The following CYTH3 variants were observed in gnomAD, a reference collection of about 807,000 sequenced individuals.
CYTH3 encodes cytohesin 3.
In CYTH3, 23 loss-of-function variants were observed where a neutral mutation model predicts 55.1. The ratio of observed to expected loss-of-function variants is 0.42; its 90% confidence interval spans 0.30 to 0.59. CYTH3 has a LOEUF of 0.59. CYTH3 is among the 20% of genes least tolerant of loss of function. The pLI is 0.20. For missense variants in CYTH3, 413 were observed against 524.8 expected (o/e 0.79, Z 2.08); for synonymous variants, 249 against 194.9 (o/e 1.28, Z -2.31).
chr7:6,219,951 G>T (rs1454586228), intron 1 of CYTH3, among the ~76,000 whole-genome samples: 1 of 152,064 alleles, frequency 6.6e-6, no homozygotes, highest in Non-Finnish European at 1.5e-5. Flanking sequence ...GTTGGCAGAG[G>T]GATAGACACA....
chr7:6,263,221 C>A (rs926223996), intron 1 of CYTH3, among the ~76,000 whole-genome samples: 1 of 152,128 alleles, frequency 6.6e-6, no homozygotes, highest in Non-Finnish European at 1.5e-5. Flanking sequence ...TATAAAGCAA[C>A]ACAAATTAAA....
chr7:6,255,880 C>T (rs935844147), intron 1 of CYTH3, among the ~76,000 whole-genome samples: 12 of 150,600 alleles, frequency 8.0e-5, no homozygotes, highest in African/African-American at 2.9e-4. Context: ...TCTCCTGCCT[C>T]AGCCTCCTGA....
chr7:6,221,962 AC>A (rs1458467727), intron 1 of CYTH3, among the ~76,000 whole-genome samples: 1 of 152,174 alleles, frequency 6.6e-6, no homozygotes, highest in Non-Finnish European at 1.5e-5. Context: ...AAAAACAAAA[AC>A]AAAAAAAACT....
At chr7:6,172,665 CTGA>C in intron 6 of CYTH3, 1 of 1,028,784 alleles carries the variant, frequency 9.7e-7, no homozygotes, top group Non-Finnish European at 1.2e-6. Context: ...TCGCCAGAGA[CTGA>C]TGGACTGAAA....
chr7:6,192,194 A>G (rs996901168), intron 1 of CYTH3, among the ~76,000 whole-genome samples: 1 of 152,218 alleles, frequency 6.6e-6, no homozygotes, highest in Non-Finnish European at 1.5e-5. Flanking sequence ...TCGGATTCAA[A>G]ATATGTAACT....
At chr7:6,235,089 C>T (rs1267562470) in intron 1 of CYTH3, among the ~76,000 whole-genome samples, 1 of 152,176 alleles carries the variant, frequency 6.6e-6, no homozygotes, top group Non-Finnish European at 1.5e-5. Context: ...TTGCCATGCG[C>T]ATGTATATTT....
intron 1 of CYTH3, among the ~76,000 whole-genome samples, chr7:6,192,839 T>A (rs1274642989): frequency 6.6e-6 from 1 of 151,460 alleles, no homozygotes; most frequent in Non-Finnish European, 1.5e-5. Context: ...GGCCCACAAG[T>A]CAATTTTTAA....
chr7:6,216,699 C>CTACT (rs1460564857), intron 1 of CYTH3, among the ~76,000 whole-genome samples: 2 of 152,008 alleles, frequency 1.3e-5, no homozygotes. Flanking sequence ...CAAGATCACA[C>CTACT]TACTGCACTC....
chr7:6,231,857 C>G (rs185175845), intron 1 of CYTH3, among the ~76,000 whole-genome samples: 1 of 152,294 alleles, frequency 6.6e-6, no homozygotes, highest in African/African-American at 2.4e-5. Flanking sequence ...GGCATCGGGA[C>G]CCGGGCCACA....
intron 1 of CYTH3, among the ~76,000 whole-genome samples, chr7:6,196,437 G>A (rs964297225): frequency 2.0e-5 from 3 of 150,188 alleles, no homozygotes; most frequent in African/African-American, 7.4e-5. Flanking sequence ...ATCTGAGGGA[G>A]CATCTTTTTT....
At chr7:6,179,610 C>CA (rs1783426619) in intron 4 of CYTH3, among the ~76,000 whole-genome samples, 2 of 121,742 alleles carry the variant, frequency 1.6e-5, no homozygotes, top group African/African-American at 7.9e-5. Context: ...ACACCACACA[C>CA]CACACACACA....
chr7:6,201,361 T>A (rs1784055463), intron 1 of CYTH3, among the ~76,000 whole-genome samples: 1 of 152,206 alleles, frequency 6.6e-6, no homozygotes, highest in South Asian at 2.1e-4. Flanking sequence ...AGGGTCCGAT[T>A]CTCGCCACCT....
In CYTH3 at chr7:6,170,379, G is replaced by A. The variant is rs565465911; in HGVS notation, c.823+156C>T. 9.8e-5 allele frequency among the ~76,000 whole-genome samples: 15 copies of A among 152,306 alleles called. No individual in the cohort carries two copies. The East Asian group carries it at 2.3e-3, about 24-fold the overall frequency. ...GGCTCGGAGAAGCAGCCGTGGCCAT[G>A]CAGCTACCGAGAGCGGGCTCTGGCT... On this transcript the variant is annotated intron_variant, in intron 9 of 12. Coordinates refer to ENST00000350796, the MANE Select transcript of CYTH3 (RefSeq NM_004227.4). This position sits in a 1 kb window ranked among gnomAD's most constrained non-coding sequence, Gnocchi z 7.8.
rs915983860 is a variant in CYTH3 at position 6,169,323 on chromosome 7, C to T, written c.823+1212G>A. On this transcript the variant is annotated intron_variant, in intron 9 of 12. Transcript: ENST00000350796. The surrounding 1 kb of genome is among the most constrained non-coding windows in gnomAD (Gnocchi z 4.1). The stretch of plus-strand genomic sequence containing the variant: ...GGAGCCTCAACCTCCTGGGCTCAGG[C>T]CATCCTCCTGCCTCAGCCTCCCTAG... 1.3e-5 allele frequency among the ~76,000 whole-genome samples: 2 copies of T among 152,148 alleles called. No homozygotes were observed. Among genetic ancestry groups the T allele is most frequent in the Non-Finnish European group, 2.9e-5 (2 of 68,012 alleles).
rs375843913 is a variant in CYTH3, at chr7:6,171,712, G to A, written c.450-398C>T. 1.3e-4 allele frequency: 31 copies of A among 241,094 alleles called. No individual in the cohort carries two copies. In the East Asian group the frequency reaches 2.5e-3, roughly 20 times the overall value. The allele number at this position is 241,094 out of a possible 1,614,324, so 14.9% of individuals were successfully genotyped here. A position where few individuals can be genotyped will look rare whatever the true frequency, so the allele number is the denominator to read the frequency against. On this transcript the variant is annotated intron_variant, in intron 6 of 12. Coordinates refer to ENST00000350796, the MANE Select transcript of CYTH3 (RefSeq NM_004227.4). This position sits in a 1 kb window ranked among gnomAD's most constrained non-coding sequence, Gnocchi z 6.7. ...CTCCTTTCAGAACTCCCACACATAA[G>A]GCAGAGCCATAGCCCACAGGACGGT... is the stretch of plus-strand genomic sequence containing the variant.
At chr7:6,239,123 A>G (rs1167416674) in intron 1 of CYTH3, among the ~76,000 whole-genome samples, 1 of 152,180 alleles carries the variant, frequency 6.6e-6, no homozygotes, top group African/African-American at 2.4e-5. Context: ...CTGAGGTGGG[A>G]GGATCACTTG....
chr7:6,199,643 C>G (rs545301931), intron 1 of CYTH3, among the ~76,000 whole-genome samples: 2 of 152,186 alleles, frequency 1.3e-5, no homozygotes, highest in African/African-American at 4.8e-5. Context: ...TTAAAGCAGT[C>G]CTTCATGCAG....
chr7:6,248,431 T>C (rs1779879179), intron 1 of CYTH3, among the ~76,000 whole-genome samples: 1 of 152,178 alleles, frequency 6.6e-6, no homozygotes, highest in South Asian at 2.1e-4. Context: ...CCTCCTTCTC[T>C]GAGCCTATCG....
intron 1 of CYTH3, among the ~76,000 whole-genome samples, chr7:6,250,448 C>G (rs1020997453): frequency 9.2e-5 from 14 of 152,210 alleles, no homozygotes; most frequent in African/African-American, 3.4e-4. Flanking sequence ...TCTCTGACCA[C>G]TCCCAACACT....
Sources: gnomAD v4.1 joint callset for allele counts (sites outside exome capture counted in the v4.1 genomes callset) on GRCh38, gnomAD v4.1.1 for gene constraint, Gnocchi (gnomAD v3.1) non-coding constraint, MANE v1.5 for transcripts, NCBI Gene and HGNC (gene_info 2026-07-23, HGNC 2026-07-21) for gene names.